ALKAL1: variants seen among roughly 807,000 people sequenced by gnomAD.
The protein encoded by ALKAL1 is ALK and LTK ligand 1.
Under a neutral mutation model 13.5 loss-of-function variants are expected in ALKAL1, and 23 were observed. That is an observed-to-expected ratio of 1.70 (90% CI 1.23 to 2.41). The LOEUF is 2.41. Among genes scored for constraint, ALKAL1 ranks in the 30% most tolerant of loss-of-function variants. The pLI, the probability that ALKAL1 is intolerant of heterozygous loss-of-function variation, is 0.00. For missense variants in ALKAL1, 181 were observed against 178.4 expected, an observed-to-expected ratio of 1.01 and a Z score of -0.08; for synonymous variants, 85 against 77.7, an observed-to-expected ratio of 1.09 and a Z score of -0.49.
chr8:52,560,039 T>G (rs953818334), intron 1 of ALKAL1, among the ~76,000 whole-genome samples: 2 of 152,108 alleles, frequency 1.3e-5, no homozygotes, highest in Admixed American at 6.5e-5. Flanking sequence ...ACCCCTAGTC[T>G]TCAACTTAAA....
chr8:52,536,290 T>TA (rs1847266490), intron 4 of ALKAL1, among the ~76,000 whole-genome samples: 1 of 152,204 alleles, frequency 6.6e-6, no homozygotes, highest in Admixed American at 6.5e-5. Flanking sequence ...CCCGTTTCCT[T>TA]AAAAGGACTT....
At chr8:52,560,194 A>G (rs1847533304) in intron 1 of ALKAL1, among the ~76,000 whole-genome samples, 1 of 152,186 alleles carries the variant, frequency 6.6e-6, no homozygotes, top group Non-Finnish European at 1.5e-5. Context: ...AAAAAGCCTA[A>G]CAATAACTCC....
intron 1 of ALKAL1, among the ~76,000 whole-genome samples, chr8:52,554,232 CA>C (rs1043271197): frequency 1.3e-5 from 2 of 152,068 alleles, no homozygotes; most frequent in African/African-American, 4.8e-5. Context: ...CACACACACA[CA>C]AAAAAGCTAA....
At chr8:52,554,219 C>T (rs922329950) in intron 1 of ALKAL1, among the ~76,000 whole-genome samples, 1 of 152,054 alleles carries the variant, frequency 6.6e-6, no homozygotes, top group African/African-American at 2.4e-5. Flanking sequence ...AGTGAAGCTC[C>T]GTCACACACA....
Position 52,534,066 on chromosome 8 carries a change from A to C in ALKAL1, c.*547T>G, listed in dbSNP as rs1478745042. 6.6e-6 allele frequency: 1 copy of C among 152,256 alleles called. No homozygotes were observed. Among genetic ancestry groups the C allele is most frequent in the Non-Finnish European group, 1.5e-5 (1 of 68,072 alleles). The allele number at this position is 152,256 out of a possible 1,614,324, so 9.4% of individuals were successfully genotyped here. A position where few individuals can be genotyped will look rare whatever the true frequency, so the allele number is the denominator to read the frequency against. On this transcript the variant is annotated 3_prime_UTR_variant, in exon 5 of 5. Transcript: ENST00000358543. ...TTACAAACATCTTTAATTCAAAGGA[A>C]ACAACACATTTTTTCATATTTCAAC... is the stretch of plus-strand genomic sequence containing the variant.
At position 52,558,383 on chromosome 8, in the gene ALKAL1, G is replaced by A. The variant is rs911166442; in HGVS notation, c.190+6684C>T. Reference sequence around the variant, plus strand: ...AAAAAAAAAAAAAAAAGTTCAGAATGGGGCACACTCTTCAACAACAGCATT... The same window carrying A: ...AAAAAAAAAAAAAAAAGTTCAGAATAGGGCACACTCTTCAACAACAGCATT... On this transcript the variant is annotated intron_variant, in intron 1 of 4. Transcript: ENST00000358543. Among the ~76,000 whole-genome samples the A allele has an allele frequency of 2.7e-5, 4 of 147,810 alleles. No individual in the cohort carries two copies. The Admixed American group carries it at 2.7e-4, about 10-fold the overall frequency.
intron 1 of ALKAL1, among the ~76,000 whole-genome samples, chr8:52,556,517 C>T (rs973224200): frequency 2.0e-5 from 3 of 151,090 alleles, no homozygotes; most frequent in Admixed American, 6.6e-5. Flanking sequence ...CGTGGTGGCG[C>T]GCGCCTGTAG....
In ALKAL1 at chr8:52,562,935, T is replaced by G. The variant is rs934749195; in HGVS notation, c.190+2132A>C. Reference sequence around the variant, plus strand: ...TTCTCATGTCCCTGTTTGTTCCTGATCCATGTGCAAGTACTCCATTCACAG... The same window carrying G: ...TTCTCATGTCCCTGTTTGTTCCTGAGCCATGTGCAAGTACTCCATTCACAG... On this transcript the variant is annotated intron_variant, in intron 1 of 4. Coordinates refer to ENST00000358543, the MANE Select transcript of ALKAL1 (RefSeq NM_207413.4). Among the ~76,000 whole-genome samples, 3 of 152,204 alleles carry G rather than the reference T, an allele frequency of 2.0e-5. No homozygotes were observed. The East Asian group carries it at 5.8e-4, about 29-fold the overall frequency.
chr8:52,544,898 T>C (rs1396036556), intron 1 of ALKAL1, among the ~76,000 whole-genome samples: 1 of 152,162 alleles, frequency 6.6e-6, no homozygotes, highest in East Asian at 1.9e-4. Context: ...ATATACACCA[T>C]TCAAACATTT....
chr8:52,565,257 G>A lies in ALKAL1; in HGVS notation c.-1C>T. ...GGGCGCCGGGCTTAAGGGGCCGCAT[G>A]TTCGCAAGCCGGGAGGAGAGAGCGG... is the stretch of plus-strand genomic sequence containing the variant. On this transcript the variant is annotated 5_prime_UTR_variant, in exon 1 of 5. Transcript: ENST00000358543. 1 of 1,311,044 alleles carries A rather than the reference G, an allele frequency of 7.6e-7. No homozygotes were observed. The highest frequency in any genetic ancestry group is 9.8e-7 in the Non-Finnish European group (1 of 1,023,148). 81.2% of individuals were successfully genotyped at this position (1,311,044 alleles called of 1,614,324 possible). A position where few individuals can be genotyped will look rare whatever the true frequency, so the allele number is the denominator to read the frequency against.
At chr8:52,551,815 A>T (rs1401681690) in intron 1 of ALKAL1, among the ~76,000 whole-genome samples, 1 of 152,218 alleles carries the variant, frequency 6.6e-6, no homozygotes, top group African/African-American at 2.4e-5. Flanking sequence ...GAAGATGTCA[A>T]CCACCTTCAA....
intron 1 of ALKAL1, among the ~76,000 whole-genome samples, chr8:52,561,837 T>C (rs1249084842): frequency 6.6e-6 from 1 of 152,164 alleles, no homozygotes; most frequent in Non-Finnish European, 1.5e-5. Flanking sequence ...AGAAAGCCTG[T>C]AGAAATAAGG....
At chr8:52,541,902 C>T (rs549135992) in intron 2 of ALKAL1, among the ~76,000 whole-genome samples, 7 of 152,184 alleles carry the variant, frequency 4.6e-5, no homozygotes, top group African/African-American at 1.7e-4. Context: ...CCCTAGCATG[C>T]CACTTAAGAT....
At chr8:52,539,387 C>T (rs548845018) in intron 3 of ALKAL1, among the ~76,000 whole-genome samples, 30 of 152,228 alleles carry the variant, frequency 2.0e-4, no homozygotes, top group Admixed American at 1.6e-3. Flanking sequence ...GCAACCTTTA[C>T]ATGCTATCAT....
intron 1 of ALKAL1, among the ~76,000 whole-genome samples, chr8:52,547,006 G>A (rs932271192): frequency 1.1e-4 from 16 of 152,124 alleles, no homozygotes; most frequent in African/African-American, 3.4e-4. Flanking sequence ...GGTGGGAGGC[G>A]CCAGGGAGCA....
At chr8:52,563,115 A>C (rs2150348751) in intron 1 of ALKAL1, among the ~76,000 whole-genome samples, 1 of 152,328 alleles carries the variant, frequency 6.6e-6, no homozygotes, top group South Asian at 2.1e-4. Context: ...AAAACTTCAG[A>C]TGGTTGCCGC....
chr8:52,536,085 C>T (rs983167079), intron 4 of ALKAL1, among the ~76,000 whole-genome samples: 7 of 152,114 alleles, frequency 4.6e-5, no homozygotes, highest in South Asian at 2.1e-4. Flanking sequence ...ACTACAGGCA[C>T]GCACCACCAC....
chr8:52,564,016 T>C (rs889855723), intron 1 of ALKAL1, among the ~76,000 whole-genome samples: 1 of 152,202 alleles, frequency 6.6e-6, no homozygotes, highest in Non-Finnish European at 1.5e-5. Context: ...ATCACAACTA[T>C]TGTGAAAGAA....
chr8:52,547,058 C>T (rs891794515), intron 1 of ALKAL1, among the ~76,000 whole-genome samples: 2 of 152,190 alleles, frequency 1.3e-5, no homozygotes, highest in East Asian at 1.9e-4. Context: ...CCATGCACAC[C>T]CTTTTTATTA....
Sources: allele counts gnomAD v4.1 joint callset (sites outside exome capture counted in the v4.1 genomes callset), GRCh38; gene constraint gnomAD v4.1.1; transcripts MANE v1.5; gene names NCBI Gene and HGNC (gene_info 2026-07-23, HGNC 2026-07-21).